The following FHIT variants were observed in gnomAD, a reference collection of about 807,000 sequenced individuals.
FHIT encodes fragile histidine triad diadenosine triphosphatase.
FHIT carries 19 observed loss-of-function variants against 17.9 expected under a neutral mutation model. The observed-to-expected ratio is 1.06, with a 90% CI of 0.74 to 1.56. The LOEUF (loss-of-function observed/expected upper bound fraction) is 1.56. FHIT is among the 40% of genes most tolerant of loss of function. The probability of loss-of-function intolerance (pLI) is 0.00; values close to 1 mark genes in which losing one functional copy is unlikely to be tolerated. For missense variants in FHIT, 248 were observed against 189.2 expected (o/e 1.31, Z -1.82); for synonymous variants, 81 against 69.7 (o/e 1.16, Z -0.81).
chr3:60,009,390 A>G (rs1172676520), intron 7 of FHIT, among the ~76,000 whole-genome samples: 1 of 152,196 alleles, frequency 6.6e-6, no homozygotes, highest in African/African-American at 2.4e-5. Flanking sequence ...AAAAAGTTCA[A>G]CTTAAGCTAA....
At chr3:60,088,235 T>C (rs989473735) in intron 5 of FHIT, among the ~76,000 whole-genome samples, 3 of 152,182 alleles carry the variant, frequency 2.0e-5, no homozygotes, top group Non-Finnish European at 2.9e-5. Flanking sequence ...TCTGCCTTCA[T>C]GATCCGAACA....
chr3:59,864,643 C>A (rs572758442), intron 8 of FHIT, among the ~76,000 whole-genome samples: 1 of 151,598 alleles, frequency 6.6e-6, no homozygotes, highest in Non-Finnish European at 1.5e-5. Context: ...CAGGTTAACA[C>A]GACTTGCAGT....
chr3:60,509,206 G>C (rs2034851168), intron 5 of FHIT, among the ~76,000 whole-genome samples: 2 of 152,302 alleles, frequency 1.3e-5, no homozygotes, highest in South Asian at 2.1e-4. Context: ...ACCAGGACAT[G>C]TATGGTTGGA....
intron 5 of FHIT, among the ~76,000 whole-genome samples, chr3:60,154,821 T>G (rs1360138391): frequency 1.3e-5 from 2 of 152,200 alleles, no homozygotes; most frequent in Non-Finnish European, 2.9e-5. Context: ...TTTAAACTAT[T>G]CAATAGCAGA....
At chr3:60,219,022 G>A (rs559571553) in intron 5 of FHIT, among the ~76,000 whole-genome samples, 2 of 152,190 alleles carry the variant, frequency 1.3e-5, no homozygotes, top group East Asian at 3.9e-4. Context: ...GGTGAAACTG[G>A]AAATCACTGA....
intron 5 of FHIT, among the ~76,000 whole-genome samples, chr3:60,376,847 C>T (rs1401730934): frequency 6.6e-6 from 1 of 152,086 alleles, no homozygotes; most frequent in Non-Finnish European, 1.5e-5. Context: ...ATTTTTAATA[C>T]CCCCATTGGA....
At chr3:59,907,502 C>A (rs950932010) in intron 8 of FHIT, among the ~76,000 whole-genome samples, 35 of 152,144 alleles carry the variant, frequency 2.3e-4, no homozygotes, top group Admixed American at 2.2e-3. Flanking sequence ...TAACTGCCCA[C>A]CCCCAGAGTT....
chr3:60,429,441 G>T (rs1227269716), intron 5 of FHIT, among the ~76,000 whole-genome samples: 2 of 151,860 alleles, frequency 1.3e-5, no homozygotes, highest in Non-Finnish European at 2.9e-5. Context: ...AAGGAAGGAA[G>T]TCAGGAGGAA....
chr3:61,098,777 T>C (rs369333990), intron 2 of FHIT, among the ~76,000 whole-genome samples: 15 of 152,350 alleles, frequency 9.8e-5, no homozygotes, highest in Middle Eastern at 3.4e-3. Context: ...ATAGGAATGT[T>C]TGTGATTTTT....
intron 3 of FHIT, among the ~76,000 whole-genome samples, chr3:61,022,039 A>G (rs2032465660): frequency 1.3e-5 from 2 of 152,230 alleles, no homozygotes; most frequent in African/African-American, 4.8e-5. Context: ...ACCCTTAAAA[A>G]AATCAACGAA....
intron 3 of FHIT, among the ~76,000 whole-genome samples, chr3:61,029,364 G>A (rs750213156): frequency 1.3e-5 from 2 of 152,180 alleles, no homozygotes; most frequent in South Asian, 2.1e-4. Context: ...ACTCCTCCCC[G>A]AGGGAATAAC....
At chr3:60,051,924 A>G (rs1219913139) in intron 5 of FHIT, among the ~76,000 whole-genome samples, 3 of 152,224 alleles carry the variant, frequency 2.0e-5, no homozygotes, top group African/African-American at 7.2e-5. Context: ...TTGGTTGGGT[A>G]TCTCCATTGG....
chr3:60,077,278 A>T (rs1403620090), intron 5 of FHIT: 4 of 152,174 alleles, frequency 2.6e-5, no homozygotes, highest in Admixed American at 2.6e-4. Flanking sequence ...TATGTGTATA[A>T]GTACACATGC....
intron 5 of FHIT, among the ~76,000 whole-genome samples, chr3:60,095,096 G>T (rs1024485866): frequency 1.3e-5 from 2 of 152,100 alleles, no homozygotes; most frequent in African/African-American, 2.4e-5. Flanking sequence ...GCTTAGCTGG[G>T]CAATTATGAA....
chr3:60,792,912 A>G (rs1358395332), intron 4 of FHIT, among the ~76,000 whole-genome samples: 1 of 151,988 alleles, frequency 6.6e-6, no homozygotes, highest in East Asian at 1.9e-4. Flanking sequence ...AACTTGTGTA[A>G]TACATTAGCT....
intron 7 of FHIT, among the ~76,000 whole-genome samples, chr3:59,977,712 G>T (rs1367746117): frequency 1.1e-4 from 16 of 152,096 alleles, no homozygotes; most frequent in Admixed American, 1.0e-3. Context: ...CTAAAGCAAA[G>T]AGATTCTCTC....
intron 5 of FHIT, among the ~76,000 whole-genome samples, chr3:60,279,925 G>C (rs577291414): frequency 6.6e-6 from 1 of 151,830 alleles, no homozygotes; most frequent in Admixed American, 6.6e-5. Flanking sequence ...TCAGCTACTT[G>C]GGAGGCTGAG....
intron 8 of FHIT, among the ~76,000 whole-genome samples, chr3:59,828,826 T>C (rs1382702785): frequency 7.3e-6 from 1 of 137,592 alleles, no homozygotes; most frequent in Non-Finnish European, 1.5e-5. Context: ...GTTTTTGTTT[T>C]TTTAACCAAT....
intron 5 of FHIT, among the ~76,000 whole-genome samples, chr3:60,250,169 G>C (rs754782674): frequency 3.3e-5 from 5 of 152,022 alleles, no homozygotes; most frequent in African/African-American, 9.7e-5. Context: ...GAGGAAGAGA[G>C]GCCATACATG....
Sources: allele counts gnomAD v4.1 joint callset (sites outside exome capture counted in the v4.1 genomes callset), GRCh38; gene constraint gnomAD v4.1.1; transcripts MANE v1.5; gene names NCBI Gene and HGNC (gene_info 2026-07-23, HGNC 2026-07-21).